The following CDH12 variants were observed in gnomAD, a reference collection of about 807,000 sequenced individuals.
CDH12 encodes the protein cadherin 12, also known as cadherin-12.
Under a neutral mutation model 74.1 loss-of-function variants are expected in CDH12, and 41 were observed. The ratio of observed to expected loss-of-function variants is 0.55; its 90% CI spans 0.43 to 0.72. CDH12 has a LOEUF of 0.72. Among genes scored for constraint, CDH12 ranks in the 30% least tolerant of loss-of-function variants. CDH12 has a pLI of 0.00. For synonymous variants in CDH12, 399 were observed against 355.0 expected (o/e 1.12, Z -1.39); for missense variants, 945 against 977.2 (o/e 0.97, Z 0.44).
In CDH12 at chr5:22,677,520, C is replaced by A. The variant is rs927411047; in HGVS notation, c.-522-172156G>T. Among the ~76,000 whole-genome samples the A allele has an allele frequency of 5.3e-5, 8 of 152,138 alleles. No individual in the cohort carries two copies. In the South Asian group the frequency reaches 1.7e-3, roughly 32 times the overall value. On this transcript the variant is annotated intron_variant, in intron 1 of 14. Transcript: ENST00000382254. ...ATTCATGAGAGCAGAGTCCTCATGA[C>A]CAAATCACCTCTCAAAGCCCTCACC...
At chr5:22,398,332 A>G (rs1742553208) in intron 3 of CDH12, among the ~76,000 whole-genome samples, 2 of 152,242 alleles carry the variant, frequency 1.3e-5, no homozygotes, top group African/African-American at 4.8e-5. Flanking sequence ...CAGTGAAACA[A>G]TGGAAGCCCC....
chr5:22,623,089 T>C (rs1400849891), intron 1 of CDH12, among the ~76,000 whole-genome samples: 4 of 152,206 alleles, frequency 2.6e-5, no homozygotes, highest in Middle Eastern at 3.2e-3. Flanking sequence ...TCTCAATAGA[T>C]GCAGAAAAGG....
chr5:22,036,646 G>A (rs766948213), intron 5 of CDH12, among the ~76,000 whole-genome samples: 10 of 152,130 alleles, frequency 6.6e-5, no homozygotes, highest in Non-Finnish European at 1.3e-4. Flanking sequence ...GCATGAAAAT[G>A]TTAATGAGAC....
chr5:21,949,334 C>A (rs1171461732), intron 6 of CDH12, among the ~76,000 whole-genome samples: 1 of 151,316 alleles, frequency 6.6e-6, no homozygotes, highest in African/African-American at 2.4e-5. Flanking sequence ...CCTATATTCC[C>A]AGCTATTCGG....
chr5:21,854,097 A>T (rs1750621866), intron 7 of CDH12, among the ~76,000 whole-genome samples: 1 of 151,826 alleles, frequency 6.6e-6, no homozygotes, highest in East Asian at 1.9e-4. Context: ...TATGCTACTC[A>T]TATTGTATTT....
intron 1 of CDH12, among the ~76,000 whole-genome samples, chr5:22,529,865 G>C (rs1231795236): frequency 6.6e-6 from 1 of 152,098 alleles, no homozygotes; most frequent in Non-Finnish European, 1.5e-5. Flanking sequence ...GGCAACAGAT[G>C]TTCAGCATGA....
chr5:21,812,793 A>T (rs1747821212), intron 9 of CDH12, among the ~76,000 whole-genome samples: 1 of 152,158 alleles, frequency 6.6e-6, no homozygotes, highest in Admixed American at 6.6e-5. Flanking sequence ...GTTATTTTTT[A>T]AAGATTCAAT....
chr5:22,574,833 G>A (rs968458946), intron 1 of CDH12, among the ~76,000 whole-genome samples: 1 of 152,092 alleles, frequency 6.6e-6, no homozygotes, highest in South Asian at 2.1e-4. Flanking sequence ...ACGAGCCCTA[G>A]AATGAGTGTA....
At chr5:22,713,987 T>C (rs556770291) in intron 1 of CDH12, among the ~76,000 whole-genome samples, 17 of 152,330 alleles carry the variant, frequency 1.1e-4, no homozygotes, top group Non-Finnish European at 1.9e-4. Context: ...AATTACCTTG[T>C]TGTCCTTGTC....
intron 4 of CDH12, among the ~76,000 whole-genome samples, chr5:22,087,307 C>G (rs901856413): frequency 2.0e-5 from 3 of 152,044 alleles, no homozygotes; most frequent in African/African-American, 7.2e-5. Context: ...TACTTTCTGT[C>G]AGACACTGAA....
chr5:22,407,468 C>T (rs114058430), intron 2 of CDH12, among the ~76,000 whole-genome samples: 1,832 of 152,178 alleles, frequency 0.012, 38 homozygotes, highest in African/African-American at 0.041. Context: ...AGTTACTAAT[C>T]TTCCCCAACT....
chr5:22,576,377 G>A (rs1458522913), intron 1 of CDH12, among the ~76,000 whole-genome samples: 2 of 152,106 alleles, frequency 1.3e-5, no homozygotes, highest in Non-Finnish European at 2.9e-5. Context: ...GGGTAAAGAG[G>A]CAACCTTCAT....
At chr5:21,899,220 C>T (rs1753269969) in intron 6 of CDH12, among the ~76,000 whole-genome samples, 1 of 152,182 alleles carries the variant, frequency 6.6e-6, no homozygotes, top group South Asian at 2.1e-4. Flanking sequence ...ACAGTTTCTG[C>T]TTAAAGTATT....
chr5:22,425,286 C>G (rs1193565061), intron 2 of CDH12, among the ~76,000 whole-genome samples: 1 of 149,616 alleles, frequency 6.7e-6, no homozygotes, highest in Non-Finnish European at 1.5e-5. Flanking sequence ...GTTTGTTATT[C>G]TTATGGTTTT....
chr5:22,208,933 G>A (rs901693074), intron 4 of CDH12, among the ~76,000 whole-genome samples: 18 of 152,142 alleles, frequency 1.2e-4, no homozygotes, highest in East Asian at 3.8e-4. Flanking sequence ...TAAGCCAACC[G>A]TTTTCCAACA....
Position 21,922,938 on chromosome 5 carries a change from G to GTATCTATATCTATATCTATATCTA in CDH12, c.526+52129_526+52152dup, listed in dbSNP as rs10644202. On this transcript the variant is annotated intron_variant, in intron 6 of 14. Transcript: ENST00000382254. ...AATAAAAAGAAAGATGTGTGTATGT[G>GTATCTATATCTATATCTATATCTA]TATCTATATCTATATCTATATCTAT... Among the ~76,000 whole-genome samples the GTATCTATATCTATATCTATATCTA allele has an allele frequency of 1.4e-3, 201 of 145,924 alleles. 2 individuals are homozygous for GTATCTATATCTATATCTATATCTA. The highest frequency in any genetic ancestry group is 2.4e-3 in the African/African-American group (96 of 39,506).
chr5:22,084,759 T>A (rs958556110), intron 4 of CDH12, among the ~76,000 whole-genome samples: 1 of 152,156 alleles, frequency 6.6e-6, no homozygotes, highest in Admixed American at 6.6e-5. Context: ...TTTAAAGTGC[T>A]ATATCACAAC....
intron 5 of CDH12, among the ~76,000 whole-genome samples, chr5:22,074,740 C>A (rs1742187492): frequency 6.6e-6 from 1 of 152,044 alleles, no homozygotes; most frequent in Admixed American, 6.6e-5. Flanking sequence ...CAGAGAAATG[C>A]AAATCAAAAC....
intron 5 of CDH12, among the ~76,000 whole-genome samples, chr5:21,984,664 T>C (rs1292795941): frequency 5.3e-5 from 8 of 152,216 alleles, no homozygotes; most frequent in Non-Finnish European, 5.9e-5. Flanking sequence ...TGTTATAAAT[T>C]ACTGATGCTT....
Sources: gnomAD v4.1 joint callset for allele counts (sites outside exome capture counted in the v4.1 genomes callset) on GRCh38, gnomAD v4.1.1 for gene constraint, MANE v1.5 for transcripts, NCBI Gene and HGNC (gene_info 2026-07-23, HGNC 2026-07-21) for gene names.